The following UBE4B variants were observed in gnomAD, a reference collection of about 807,000 sequenced individuals.
UBE4B encodes the protein ubiquitination factor E4B, also known as ubiquitin conjugation factor E4 B.
UBE4B carries 27 observed loss-of-function variants against 148.1 expected under a neutral mutation model. The ratio of observed to expected loss-of-function variants is 0.18; its 90% CI spans 0.13 to 0.25. The LOEUF is 0.25. UBE4B is among the 10% of genes least tolerant of loss of function. The probability of loss-of-function intolerance (pLI) is 1.00; values close to 1 mark genes in which losing one functional copy is unlikely to be tolerated. For synonymous variants in UBE4B, 596 were observed against 619.3 expected (o/e 0.96, Z 0.56); for missense variants, 1,170 against 1,662.4 (o/e 0.70, Z 5.15).
intron 1 of UBE4B, among the ~76,000 whole-genome samples, chr1:10,040,049 A>G (rs1643695117): frequency 6.6e-6 from 1 of 151,922 alleles, no homozygotes; most frequent in South Asian, 2.1e-4. Flanking sequence ...GTTTCTAGCT[A>G]TGGAGAAGGA....
Position 10,146,950 on chromosome 1 carries a change from C to A in UBE4B, c.2464-13C>A. 3 of 1,613,336 alleles carry A rather than the reference C, an allele frequency of 1.9e-6. No individual in the cohort carries two copies. Among genetic ancestry groups the A allele is most frequent in the South Asian group, 1.1e-5 (1 of 91,056 alleles). On this transcript the variant is annotated splice_polypyrimidine_tract_variant and intron_variant, in intron 18 of 27. Coordinates refer to ENST00000343090, the MANE Select transcript of UBE4B (RefSeq NM_001105562.3). Reference sequence around the variant, plus strand: ...TGACTGATCTTTGGGTGGGGACATCCCTGCTTCCACAGAAACTGGTACGGT... The same window carrying A: ...TGACTGATCTTTGGGTGGGGACATCACTGCTTCCACAGAAACTGGTACGGT...
intron 1 of UBE4B, among the ~76,000 whole-genome samples, chr1:10,040,719 G>A (rs1643727142): frequency 6.6e-6 from 1 of 151,806 alleles, no homozygotes; most frequent in South Asian, 2.1e-4. Context: ...CCAGGTTCAA[G>A]CGATTCTCCT....
intron 15 of UBE4B, 34 bp downstream of exon 15, chr1:10,132,516 T>A (rs1194478567): frequency 1.3e-6 from 2 of 1,581,050 alleles, no homozygotes. Context: ...TCGCTGTTTG[T>A]CAAATTCATT....
intron 1 of UBE4B, among the ~76,000 whole-genome samples, chr1:10,066,240 C>T (rs1644386132): frequency 6.6e-6 from 1 of 151,838 alleles, no homozygotes; most frequent in Non-Finnish European, 1.5e-5. Flanking sequence ...CCTCAGTCTC[C>T]CTAGTAGCTG....
intron 2 of UBE4B, among the ~76,000 whole-genome samples, chr1:10,073,316 C>T (rs992552180): frequency 6.6e-6 from 1 of 152,162 alleles, no homozygotes; most frequent in African/African-American, 2.4e-5. Context: ...CTTATTTAAA[C>T]CAGGATCTTG....
intron 1 of UBE4B, among the ~76,000 whole-genome samples, chr1:10,036,583 C>T (rs933181756): frequency 6.6e-6 from 1 of 151,962 alleles, no homozygotes; most frequent in African/African-American, 2.4e-5. Context: ...GATCCTCCCA[C>T]TTCAGCCTCC....
chr1:10,056,855 C>T (rs1644181657), intron 1 of UBE4B, among the ~76,000 whole-genome samples: 1 of 152,212 alleles, frequency 6.6e-6, no homozygotes, highest in Non-Finnish European at 1.5e-5. Flanking sequence ...GAGACAAGGC[C>T]TCACTCTGCC....
At chr1:10,035,001 G>T (rs558678560) in intron 1 of UBE4B, among the ~76,000 whole-genome samples, 33 of 149,914 alleles carry the variant, frequency 2.2e-4, no homozygotes, top group East Asian at 1.7e-3. Context: ...GTTTTTTTTT[G>T]TTTGTTTGTT....
chr1:10,108,516 A>G (rs1645160496), intron 7 of UBE4B, among the ~76,000 whole-genome samples: 1 of 152,162 alleles, frequency 6.6e-6, no homozygotes, highest in South Asian at 2.1e-4. Flanking sequence ...CCTCTGACTC[A>G]TTGTCTTACA....
chr1:10,158,544 CTTA>C, intron 22 of UBE4B, 62 bp downstream of exon 22: 1 of 1,583,374 alleles, frequency 6.3e-7, no homozygotes, highest in Non-Finnish European at 8.6e-7. Flanking sequence ...AGGATTGCAG[CTTA>C]AAAGCATGCA....
chr1:10,179,922 C>T lies in UBE4B; in HGVS notation c.3875C>T (p.Ala1292Val), dbSNP rs771034338. 25 of 1,613,962 alleles carry T rather than the reference C, an allele frequency of 1.5e-5. No homozygotes were observed. The highest frequency in any genetic ancestry group is 8.0e-5 in the African/African-American group (6 of 74,894). Residue 1292 changes from alanine to valine, a missense_variant, in exon 28 of 28, where the codon GCG (alanine) becomes GTG (valine). Coordinates refer to ENST00000343090, the MANE Select transcript of UBE4B (RefSeq NM_001105562.3). ...PVPELKEQIQAWMREKQNSDH is the reference protein window; with the variant it reads ...PVPELKEQIQVWMREKQNSDH ...CCAGAACTGAAAGAGCAGATTCAGG[C>T]GTGGATGAGAGAGAAACAGAACAGC...
intron 7 of UBE4B, among the ~76,000 whole-genome samples, chr1:10,111,530 T>C (rs926531369): frequency 6.6e-6 from 1 of 152,136 alleles, no homozygotes; most frequent in African/African-American, 2.4e-5. Context: ...ACACCGTCGT[T>C]CTTCATCCGC....
chr1:10,050,310 G>C (rs1265502918), intron 1 of UBE4B, among the ~76,000 whole-genome samples: 1 of 152,186 alleles, frequency 6.6e-6, no homozygotes, highest in Non-Finnish European at 1.5e-5. Context: ...GACCTCAGGT[G>C]ATCCGCCTGC....
chr1:10,124,532 C>A (rs1025706289), intron 10 of UBE4B, among the ~76,000 whole-genome samples: 1 of 152,162 alleles, frequency 6.6e-6, no homozygotes, highest in African/African-American at 2.4e-5. Flanking sequence ...GACTTTTCAG[C>A]CACTCAGTGT....
At chr1:10,072,282 G>T (rs1010019378) in intron 2 of UBE4B, 68 bp downstream of exon 2, 5 of 1,548,780 alleles carry the variant, frequency 3.2e-6, no homozygotes, top group Non-Finnish European at 4.4e-6. Flanking sequence ...GCTGATGGTT[G>T]TGATGTTTCC....
At chr1:10,035,878 G>A (rs1643504765) in intron 1 of UBE4B, among the ~76,000 whole-genome samples, 1 of 150,600 alleles carries the variant, frequency 6.6e-6, no homozygotes, top group African/African-American at 2.4e-5. Flanking sequence ...CGAGTAGCTG[G>A]GACTACAGGC....
At chr1:10,116,181 C>T (rs182589578) in intron 7 of UBE4B, among the ~76,000 whole-genome samples, 3 of 152,018 alleles carry the variant, frequency 2.0e-5, no homozygotes, top group Non-Finnish European at 2.9e-5. Flanking sequence ...CTCTCTTTGT[C>T]GCCCAGGCAG....
chr1:10,141,269 G>A (rs903314687), intron 17 of UBE4B, among the ~76,000 whole-genome samples: 3 of 152,158 alleles, frequency 2.0e-5, no homozygotes, highest in African/African-American at 7.2e-5. Flanking sequence ...CTTGAGGTGG[G>A]GAGATTATCC....
chr1:10,068,897 C>T (rs1644437480), intron 1 of UBE4B, among the ~76,000 whole-genome samples: 1 of 152,208 alleles, frequency 6.6e-6, no homozygotes, highest in African/African-American at 2.4e-5. Context: ...CTGCATGGCT[C>T]TTCCTAAATT....
Sources: allele counts gnomAD v4.1 joint callset (sites outside exome capture counted in the v4.1 genomes callset), GRCh38; gene constraint gnomAD v4.1.1; transcripts MANE v1.5; gene names NCBI Gene and HGNC (gene_info 2026-07-23, HGNC 2026-07-21).